NPAT: variants seen among roughly 807,000 people sequenced by gnomAD.
The protein encoded by NPAT is protein NPAT.
Under a neutral mutation model 130.7 loss-of-function variants are expected in NPAT, and 52 were observed. The ratio of observed to expected loss-of-function variants is 0.40; its 90% CI spans 0.32 to 0.50. NPAT has a LOEUF of 0.50. NPAT is among the 20% of genes least tolerant of loss of function. The pLI is 0.68. For synonymous variants in NPAT, 580 were observed against 584.8 expected, an observed-to-expected ratio of 0.99 and a Z score of 0.12; for missense variants, 1,687 against 1,662.6, an observed-to-expected ratio of 1.01 and a Z score of -0.26.
chr11:108,185,220 A>T lies in NPAT; in HGVS notation c.906+12T>A. On this transcript the variant is annotated intron_variant, in intron 10 of 17. Transcript: ENST00000278612. ...ACACACACGCACCCATGCACACCCC[A>T]ACCACCCATACCGGAAGTCCTAGGA... is the stretch of plus-strand genomic sequence containing the variant. The T allele has an allele frequency of 6.3e-7, 1 of 1,593,700 alleles. No individual in the cohort carries two copies. The highest frequency in any genetic ancestry group is 8.6e-7 in the Non-Finnish European group (1 of 1,163,244).
chr11:108,187,695 CTT>C (rs2078121245), intron 7 of NPAT, among the ~76,000 whole-genome samples: 1 of 152,096 alleles, frequency 6.6e-6, no homozygotes, highest in Non-Finnish European at 1.5e-5. Context: ...GGGAAAAACA[CTT>C]TTCTCAAAGA....
chr11:108,181,637 G>A (rs549967453), intron 10 of NPAT, among the ~76,000 whole-genome samples: 1 of 151,864 alleles, frequency 6.6e-6, no homozygotes, highest in Admixed American at 6.6e-5. Flanking sequence ...AAAATGGTAG[G>A]CACTTCTTTC....
chr11:108,202,575 C>G (rs1033364388), intron 1 of NPAT, among the ~76,000 whole-genome samples: 1 of 152,252 alleles, frequency 6.6e-6, no homozygotes, highest in Non-Finnish European at 1.5e-5. Context: ...AAGCCCTCCA[C>G]CTAGGTAAGC....
At chr11:108,203,397 GGAGT>G (rs1339731883) in intron 1 of NPAT, among the ~76,000 whole-genome samples, 1 of 152,088 alleles carries the variant, frequency 6.6e-6, no homozygotes, top group Non-Finnish European at 1.5e-5. Context: ...GTCGGCACTG[GGAGT>G]GACCTTATAC....
intron 1 of NPAT, among the ~76,000 whole-genome samples, chr11:108,200,756 C>T (rs1187755644): frequency 6.6e-6 from 1 of 152,144 alleles, no homozygotes; most frequent in East Asian, 1.9e-4. Flanking sequence ...GAGACTGGTC[C>T]AAGACCTCTG....
At chr11:108,201,102 G>T (rs1207884177) in intron 1 of NPAT, among the ~76,000 whole-genome samples, 1 of 152,146 alleles carries the variant, frequency 6.6e-6, no homozygotes, top group African/African-American at 2.4e-5. Context: ...GGACAGTAAG[G>T]CTTGTCTTAA....
intron 15 of NPAT, among the ~76,000 whole-genome samples, chr11:108,163,451 G>GA (rs1437644107): frequency 2.6e-5 from 4 of 152,178 alleles, no homozygotes; most frequent in Non-Finnish European, 5.9e-5. Flanking sequence ...CAATAATGTG[G>GA]AAGATGGAAC....
chr11:108,159,541 C>G (rs2077825568), intron 17 of NPAT, among the ~76,000 whole-genome samples: 1 of 152,180 alleles, frequency 6.6e-6, no homozygotes, highest in Admixed American at 6.5e-5. Context: ...CAAACCCAGA[C>G]TTGTAGGGCA....
intron 1 of NPAT, among the ~76,000 whole-genome samples, chr11:108,209,888 C>CAAAAAA (rs58890849): frequency 2.8e-5 from 2 of 70,808 alleles, no homozygotes; most frequent in African/African-American, 1.3e-4. Context: ...GACTTCATCT[C>CAAAAAA]AAAAAAAAAA....
At position 108,174,640 on chromosome 11, in the gene NPAT, G is replaced by A. The variant is rs576687803; in HGVS notation, c.1133-789C>T. On this transcript the variant is annotated intron_variant, in intron 12 of 17. Transcript: ENST00000278612. ...CTTTTTTTTTTTTTTTTGAGACAGA[G>A]TCTTGCTCTGTCGCCCAGGCTGGAG... 5.3e-4 allele frequency among the ~76,000 whole-genome samples: 76 copies of A among 142,536 alleles called. 1 individual carries two copies. The highest frequency in any genetic ancestry group is 7.4e-3 in the Middle Eastern group (2 of 270). 93.5% of individuals were successfully genotyped at this position (142,536 alleles called of 152,430 possible). A position where few individuals can be genotyped will look rare whatever the true frequency, so the allele number is the denominator to read the frequency against.
intron 1 of NPAT, among the ~76,000 whole-genome samples, chr11:108,219,346 C>A (rs114108417): frequency 0.013 from 1,959 of 152,316 alleles, 53 homozygotes; most frequent in African/African-American, 0.044. Flanking sequence ...TTCTCATTAG[C>A]ATAGTGGCTT....
At chr11:108,168,766 A>G (rs1247850186) in intron 15 of NPAT, among the ~76,000 whole-genome samples, 2 of 152,224 alleles carry the variant, frequency 1.3e-5, no homozygotes, top group Non-Finnish European at 2.9e-5. Context: ...AATTCTAGGT[A>G]GAAGAGATAG....
In NPAT at chr11:108,197,388, A is replaced by G; in HGVS notation, c.70T>C (p.Cys24Arg). 6.2e-7 allele frequency: 1 copy of G among 1,612,762 alleles called. No individual in the cohort carries two copies. Among genetic ancestry groups the G allele is most frequent in the Non-Finnish European group, 8.5e-7 (1 of 1,178,788 alleles). ...GAACTTTCCAAAATAAAAGTCTGGCAGGTAGAAATGAGGTTTTCTTGCTGT... is the reference window on the plus strand; with the variant it reads ...GAACTTTCCAAAATAAAAGTCTGGCGGGTAGAAATGAGGTTTTCTTGCTGT... ...YLQQENLIST[C>R]QTFILESSDL... Residue 24 changes from cysteine (C) to arginine (R), a missense_variant, in exon 2 of 18, where the codon TGC (cysteine) becomes CGC (arginine). Cys to Arg is a radical substitution (Grantham distance 180, BLOSUM62 -3). This residue lies in a region of NPAT where 307 missense variants were observed against 298.9 expected (regional missense o/e 1.03). Coordinates refer to ENST00000278612, the MANE Select transcript of NPAT (RefSeq NM_002519.3).
At chr11:108,171,124 A>ATTTTTTTTTT (rs63478164) in intron 13 of NPAT, 2 of 95,834 alleles carry the variant, frequency 2.1e-5, no homozygotes, top group Non-Finnish European at 2.0e-5. Flanking sequence ...TGAAAAAAGG[A>ATTTTTTTTTT]TTTTTTTTTT....
At chr11:108,200,725 A>G (rs1341320790) in intron 1 of NPAT, among the ~76,000 whole-genome samples, 1 of 152,198 alleles carries the variant, frequency 6.6e-6, no homozygotes, top group East Asian at 1.9e-4. Context: ...TATTGGATGT[A>G]CAAAAACCCA....
At chr11:108,167,415 A>T (rs140694298) in intron 15 of NPAT, among the ~76,000 whole-genome samples, 3,290 of 152,176 alleles carry the variant, frequency 0.022, 88 homozygotes, top group African/African-American at 0.067. Flanking sequence ...GTCTCACTAT[A>T]TTGCCCAGGC....
chr11:108,212,654 A>G (rs776440176), intron 1 of NPAT, among the ~76,000 whole-genome samples: 4 of 151,778 alleles, frequency 2.6e-5, no homozygotes, highest in Admixed American at 6.6e-5. Context: ...CAACAAAAAA[A>G]CTATTAGAGG....
chr11:108,208,501 T>A (rs766478519), intron 1 of NPAT: 19 of 453,614 alleles, frequency 4.2e-5, no homozygotes, highest in Non-Finnish European at 6.6e-5. Context: ...GGTGGGAGGA[T>A]AGCTTGAGCC....
intron 17 of NPAT, among the ~76,000 whole-genome samples, chr11:108,160,667 T>C (rs906978666): frequency 6.6e-5 from 10 of 152,242 alleles, no homozygotes; most frequent in Admixed American, 2.0e-4. Context: ...CTAACACTGC[T>C]GGACTGCTTT....
Sources: gnomAD v4.1 joint callset for allele counts (sites outside exome capture counted in the v4.1 genomes callset) on GRCh38, gnomAD v4.1.1 for gene constraint, gnomAD v4.1.1 regional missense constraint, MANE v1.5 for transcripts, NCBI Gene and HGNC (gene_info 2026-07-23, HGNC 2026-07-21) for gene names.